Variants in KIF26B observed in about 807,000 individuals in gnomAD.
KIF26B encodes the protein kinesin family member 26B, also known as kinesin-like protein KIF26B.
In KIF26B, 63 loss-of-function variants were observed where a neutral mutation model predicts 151.2. The observed-to-expected ratio is 0.42, with a 90% confidence interval of 0.34 to 0.51. KIF26B has a LOEUF of 0.51. Among genes scored for constraint, KIF26B ranks in the 20% least tolerant of loss-of-function variants. The pLI, the probability that KIF26B is intolerant of heterozygous loss-of-function variation, is 0.07. For synonymous variants in KIF26B, 1,357 were observed against 1,262.1 expected, an observed-to-expected ratio of 1.08 and a Z score of -1.59; for missense variants, 2,813 against 2,913.6, an observed-to-expected ratio of 0.97 and a Z score of 0.79.
chr1:245,461,640 C>T (rs2103057912), intron 4 of KIF26B, among the ~76,000 whole-genome samples: 1 of 152,248 alleles, frequency 6.6e-6, no homozygotes. Context: ...TCAGAGCTTC[C>T]CCGGGGATGC....
chr1:245,413,996 G>C lies in KIF26B; in HGVS notation c.1000-5583G>C, dbSNP rs562907928. Among the ~76,000 whole-genome samples, 3 of 152,254 alleles carry C rather than the reference G, an allele frequency of 2.0e-5. No homozygotes were observed. In the South Asian group the frequency reaches 6.2e-4, roughly 32 times the overall value. On this transcript the variant is annotated intron_variant, in intron 3 of 14. Transcript: ENST00000407071. ...GGTTGAATTGTCTTGGAATCCACAG[G>C]TGACCACCTCAGGACTGCAGTGAGG...
rs150403698 is a variant in KIF26B, at chr1:245,226,609, A to G, written c.465+69926A>G. ...CTCCTGAGTAGCTGGGATTACAGGCATGCACCACCACGCCCGGCTAATTTT... is the reference window on the plus strand; with the variant it reads ...CTCCTGAGTAGCTGGGATTACAGGCGTGCACCACCACGCCCGGCTAATTTT... On this transcript the variant is annotated intron_variant, in intron 2 of 14. Transcript: ENST00000407071. Among the ~76,000 whole-genome samples the G allele has an allele frequency of 8.5e-3, 1,291 of 152,000 alleles. 20 individuals carry two copies. The highest frequency in any genetic ancestry group is 0.029 in the African/African-American group (1,209 of 41,446).
At position 245,555,801 on chromosome 1, in the gene KIF26B, C is replaced by T. The variant is rs1018493282; in HGVS notation, c.1350+14851C>T. Among the ~76,000 whole-genome samples, 4 of 152,100 alleles carry T rather than the reference C, an allele frequency of 2.6e-5. 1 individual carries two copies. The highest frequency in any genetic ancestry group is 3.9e-4 in the East Asian group (2 of 5,188). On this transcript the variant is annotated intron_variant, in intron 5 of 14. Transcript: ENST00000407071. ...GAGGAGGGGAGCCCTTCACCCAATC[C>T]GTATTTACCGAGCATTGACTGGGTG...
At position 245,162,375 on chromosome 1, in the gene KIF26B, C is replaced by CTTTTTTTT. The variant is rs138853411; in HGVS notation, c.465+5713_465+5720dup. Among the ~76,000 whole-genome samples, 116 of 76,534 alleles carry CTTTTTTTT rather than the reference C, an allele frequency of 1.5e-3. 12 individuals are homozygous for CTTTTTTTT. Among genetic ancestry groups the CTTTTTTTT allele is most frequent in the African/African-American group, 5.8e-3 (113 of 19,556 alleles). 50.2% of individuals were successfully genotyped at this position (76,534 alleles called of 152,430 possible). A position where few individuals can be genotyped will look rare whatever the true frequency, so the allele number is the denominator to read the frequency against. ...CTATAGATGCACCCATCAGAAATAT[C>CTTTTTTTT]TTTTTTTTTTTTTTTTTTTTTTTTT... is the stretch of plus-strand genomic sequence containing the variant. On this transcript the variant is annotated intron_variant, in intron 2 of 14. Coordinates refer to ENST00000407071, the MANE Select transcript of KIF26B (RefSeq NM_018012.4).
Position 245,708,295 on chromosome 1 carries a change from T to C in KIF26B, c.*5689T>C, listed in dbSNP as rs1425383465. 2.0e-5 allele frequency: 3 copies of C among 152,228 alleles called. No homozygotes were observed. The highest frequency in any genetic ancestry group is 4.8e-5 in the African/African-American group (2 of 41,454). The allele number at this position is 152,228 out of a possible 1,614,324, so 9.4% of individuals were successfully genotyped here. A position where few individuals can be genotyped will look rare whatever the true frequency, so the allele number is the denominator to read the frequency against. ...AGAAATTAAAGGTCTGTCTAGGAGC[T>C]GGGGGTAATCATTTACAGATGAAGA... On this transcript the variant is annotated 3_prime_UTR_variant, in exon 15 of 15. Coordinates refer to ENST00000407071, the MANE Select transcript of KIF26B (RefSeq NM_018012.4).
chr1:245,436,313 G>T (rs4658773), intron 4 of KIF26B, among the ~76,000 whole-genome samples: 15,371 of 152,152 alleles, frequency 0.1, 847 homozygotes, highest in South Asian at 0.17. Context: ...CTGCTACCTG[G>T]GCTTGCTTGA....
chr1:245,683,829 T>C (rs2044470710), intron 10 of KIF26B, among the ~76,000 whole-genome samples: 1 of 152,200 alleles, frequency 6.6e-6, no homozygotes, highest in South Asian at 2.1e-4. Context: ...TGCAAGATTG[T>C]CTGTGTGTGG....
intron 2 of KIF26B, among the ~76,000 whole-genome samples, chr1:245,184,596 A>G (rs185908806): frequency 6.6e-6 from 1 of 152,352 alleles, no homozygotes; most frequent in East Asian, 1.9e-4. Flanking sequence ...CTGTGTAAAA[A>G]TAGGAGTCAA....
chr1:245,366,764 A>G (rs1672963212), intron 2 of KIF26B, 70 bp from the exon 3 acceptor site: 1 of 1,484,026 alleles, frequency 6.7e-7, no homozygotes, highest in Non-Finnish European at 9.2e-7. Flanking sequence ...CTGGTAAGCC[A>G]GGTATCTGAC....
At chr1:245,522,175 A>G (rs1661143028) in intron 4 of KIF26B, among the ~76,000 whole-genome samples, 1 of 151,828 alleles carries the variant, frequency 6.6e-6, no homozygotes, top group African/African-American at 2.4e-5. Context: ...GGCCTGGTCC[A>G]TTTTTCATCT....
chr1:245,332,137 A>G (rs541754308), intron 2 of KIF26B, among the ~76,000 whole-genome samples: 19 of 152,264 alleles, frequency 1.2e-4, no homozygotes, highest in African/African-American at 4.1e-4. Flanking sequence ...AAATAAATAA[A>G]TAGCAATAAA....
At chr1:245,301,166 A>G (rs1671422910) in intron 2 of KIF26B, among the ~76,000 whole-genome samples, 2 of 152,176 alleles carry the variant, frequency 1.3e-5, no homozygotes, top group Admixed American at 1.3e-4. Flanking sequence ...TTGAAATGAC[A>G]GCGGATGGCC....
chr1:245,615,852 A>G (rs905744010), intron 9 of KIF26B, among the ~76,000 whole-genome samples: 1 of 152,258 alleles, frequency 6.6e-6, no homozygotes, highest in African/African-American at 2.4e-5. Flanking sequence ...CAGTGAATTT[A>G]TAACTGTTTA....
chr1:245,303,218 C>G (rs12065218), intron 2 of KIF26B, among the ~76,000 whole-genome samples: 1 of 80,554 alleles, frequency 1.2e-5, no homozygotes, highest in African/African-American at 5.0e-5. Context: ...TTTTTTTTTG[C>G]GACGGAGTCT....
intron 5 of KIF26B, among the ~76,000 whole-genome samples, chr1:245,553,013 T>G (rs1248505257): frequency 6.6e-6 from 1 of 152,124 alleles, no homozygotes; most frequent in Non-Finnish European, 1.5e-5. Flanking sequence ...GAGGGCAAAA[T>G]AATTCCTAGA....
chr1:245,607,862 T>A, intron 7 of KIF26B, 118 bp downstream of exon 7: 1 of 746,498 alleles, frequency 1.3e-6, no homozygotes, highest in Non-Finnish European at 2.2e-6. Flanking sequence ...CTCTTAGGTG[T>A]TGAGCTGAAT....
At chr1:245,324,401 A>G (rs1217914767) in intron 2 of KIF26B, among the ~76,000 whole-genome samples, 1 of 152,214 alleles carries the variant, frequency 6.6e-6, no homozygotes, top group Non-Finnish European at 1.5e-5. Flanking sequence ...AGCTGGAGGA[A>G]GAAGAATTCT....
chr1:245,171,279 C>G lies in KIF26B; in HGVS notation c.465+14596C>G, dbSNP rs529056538. ...CTTACATGGGGCCCGCACGGTGGCT[C>G]ACGCCTGTAATCCCAGCACTTTGGG... On this transcript the variant is annotated intron_variant, in intron 2 of 14. Transcript: ENST00000407071. Among the ~76,000 whole-genome samples, 27 of 152,368 alleles carry G rather than the reference C, an allele frequency of 1.8e-4. No individual in the cohort carries two copies. The East Asian group carries it at 3.3e-3, about 18-fold the overall frequency.
At chr1:245,581,920 G>GGA (rs2043177943) in intron 5 of KIF26B, among the ~76,000 whole-genome samples, 1 of 133,196 alleles carries the variant, frequency 7.5e-6, no homozygotes, top group Non-Finnish European at 1.7e-5. Context: ...CTGTCAAAGA[G>GGA]AGAAAGAGGA....
Sources: allele counts gnomAD v4.1 joint callset (sites outside exome capture counted in the v4.1 genomes callset), GRCh38; gene constraint gnomAD v4.1.1; transcripts MANE v1.5; gene names NCBI Gene and HGNC (gene_info 2026-07-23, HGNC 2026-07-21).